Variants in CCDC126 observed in about 807,000 individuals in gnomAD.
The protein encoded by CCDC126 is coiled-coil domain-containing protein 126.
A neutral mutation model predicts 11.7 loss-of-function variants in CCDC126; 5 were observed. That is an observed-to-expected ratio of 0.43 (90% CI 0.22 to 0.90). The LOEUF (loss-of-function observed/expected upper bound fraction) is 0.90, where lower values mean the gene tolerates loss of function less well. CCDC126 is among the 40% of genes least tolerant of loss of function. The pLI, the probability that CCDC126 is intolerant of heterozygous loss-of-function variation, is 0.27. For synonymous variants in CCDC126, 60 were observed against 61.9 expected, an observed-to-expected ratio of 0.97 and a Z score of 0.14; for missense variants, 150 against 163.1, an observed-to-expected ratio of 0.92 and a Z score of 0.44.
chr7:23,614,997 A>G (rs574659967), intron 3 of CCDC126, among the ~76,000 whole-genome samples: 22 of 152,336 alleles, frequency 1.4e-4, no homozygotes, highest in African/African-American at 5.3e-4. Flanking sequence ...CACCAGATGC[A>G]TTACCCCCTA....
chr7:23,626,948 C>T (rs1266370078), intron 3 of CCDC126, among the ~76,000 whole-genome samples: 4 of 152,192 alleles, frequency 2.6e-5, no homozygotes, highest in African/African-American at 9.7e-5. Flanking sequence ...CCTCCACATT[C>T]TTAGTCCTCT....
chr7:23,623,494 G>T (rs1022572592), intron 3 of CCDC126, among the ~76,000 whole-genome samples: 1 of 151,888 alleles, frequency 6.6e-6, no homozygotes, highest in Non-Finnish European at 1.5e-5. Flanking sequence ...TGCTGTGGAG[G>T]CTGAGGCAGG....
chr7:23,607,402 T>C (rs548907791), intron 2 of CCDC126, among the ~76,000 whole-genome samples: 1 of 152,230 alleles, frequency 6.6e-6, no homozygotes, highest in East Asian at 1.9e-4. Context: ...TTGAGGAGGT[T>C]CAAAGTGCAA....
intron 3 of CCDC126, among the ~76,000 whole-genome samples, chr7:23,613,293 A>G (rs1263869495): frequency 6.6e-6 from 1 of 152,114 alleles, no homozygotes; most frequent in Admixed American, 6.6e-5. Context: ...AGCCTGGGTG[A>G]CAGAGTGAGA....
intron 2 of CCDC126, among the ~76,000 whole-genome samples, chr7:23,600,999 G>A (rs964108742): frequency 4.6e-5 from 7 of 151,804 alleles, no homozygotes; most frequent in Admixed American, 2.0e-4. Context: ...AGAATCATGT[G>A]GGCCCAGGAG....
chr7:23,613,528 G>A (rs930041737), intron 3 of CCDC126, among the ~76,000 whole-genome samples: 3 of 151,968 alleles, frequency 2.0e-5, no homozygotes, highest in East Asian at 3.9e-4. Flanking sequence ...TCAGTTATAG[G>A]TGTTATCTGT....
At chr7:23,628,484 C>G (rs1036181732) in intron 3 of CCDC126, among the ~76,000 whole-genome samples, 15 of 152,224 alleles carry the variant, frequency 9.9e-5, no homozygotes, top group Non-Finnish European at 1.9e-4. Flanking sequence ...CTCCTCTAGC[C>G]AAACATCACA....
At chr7:23,616,106 C>T (rs895224222) in intron 3 of CCDC126, among the ~76,000 whole-genome samples, 2 of 152,200 alleles carry the variant, frequency 1.3e-5, no homozygotes, top group African/African-American at 4.8e-5. Flanking sequence ...TAAACTTTTT[C>T]ACCCTAGAGT....
At chr7:23,630,914 C>G (rs1056383499) in intron 3 of CCDC126, among the ~76,000 whole-genome samples, 1 of 151,652 alleles carries the variant, frequency 6.6e-6, no homozygotes, top group African/African-American at 2.4e-5. Flanking sequence ...GGACAACATA[C>G]TTCTAAATAA....
At chr7:23,638,031 G>A (rs1186399120) in intron 3 of CCDC126, among the ~76,000 whole-genome samples, 2 of 127,986 alleles carry the variant, frequency 1.6e-5, no homozygotes, top group Non-Finnish European at 1.7e-5. Context: ...CTGCCCGGCC[G>A]CCCCTACTGG....
In CCDC126 at chr7:23,644,227, T is replaced by C. The variant is rs566993564; in HGVS notation, c.*1112T>C. The C allele has an allele frequency of 1.3e-5, 2 of 152,544 alleles. No homozygotes were observed. Among genetic ancestry groups the C allele is most frequent in the Non-Finnish European group, 2.9e-5 (2 of 67,924 alleles). The allele number at this position is 152,544 out of a possible 1,614,324, so 9.4% of individuals were successfully genotyped here. A position where few individuals can be genotyped will look rare whatever the true frequency, so the allele number is the denominator to read the frequency against. On this transcript the variant is annotated 3_prime_UTR_variant, in exon 4 of 4. Transcript: ENST00000307471. Reference sequence around the variant, plus strand: ...ACATTTAAAATATAAACTATGAAGATTGACTATCTTTTCAGGAAAAAAGCT... The same window carrying C: ...ACATTTAAAATATAAACTATGAAGACTGACTATCTTTTCAGGAAAAAAGCT...
intron 3 of CCDC126, chr7:23,619,491 C>T: frequency 2.7e-6 from 1 of 373,478 alleles, no homozygotes; most frequent in South Asian, 2.5e-5. Context: ...AACACCCTTC[C>T]TGCCTATTTT....
intron 3 of CCDC126, among the ~76,000 whole-genome samples, chr7:23,616,363 A>G (rs1283847135): frequency 6.6e-6 from 1 of 152,066 alleles, no homozygotes; most frequent in East Asian, 1.9e-4. Context: ...CTCCTCTATT[A>G]TATTGGATCT....
rs112816744 is a variant in CCDC126 at position 23,622,775 on chromosome 7, T to C, written c.238+11222T>C. 5.4e-4 allele frequency: 269 copies of C among 500,472 alleles called. 1 individual carries two copies. The highest frequency in any genetic ancestry group is 4.7e-3 in the African/African-American group (240 of 51,214). The allele number at this position is 500,472 out of a possible 1,614,324, so 31.0% of individuals were successfully genotyped here. A position where few individuals can be genotyped will look rare whatever the true frequency, so the allele number is the denominator to read the frequency against. On this transcript the variant is annotated intron_variant, in intron 3 of 3. Coordinates refer to ENST00000307471, the MANE Select transcript of CCDC126 (RefSeq NM_138771.4). ...TTCCTGTCATGTACATTTCTAACCA[T>C]AGATACAACATTGAATGGTTGCCAG...
intron 3 of CCDC126, among the ~76,000 whole-genome samples, chr7:23,618,538 ATTTTTTT>A (rs5741645): frequency 3.3e-5 from 4 of 119,620 alleles, no homozygotes; most frequent in African/African-American, 6.2e-5. Context: ...GATCAGCTAA[ATTTTTTT>A]TTTTTTTTTT....
chr7:23,601,099 A>G (rs1243658521), intron 2 of CCDC126, among the ~76,000 whole-genome samples: 1 of 151,886 alleles, frequency 6.6e-6, no homozygotes, highest in African/African-American at 2.4e-5. Flanking sequence ...CTGTGTGTGC[A>G]TAGGCTGGAC....
rs115503574 is a variant in CCDC126, at chr7:23,640,871, A to G, written c.239-2060A>G. On this transcript the variant is annotated intron_variant, in intron 3 of 3. Transcript: ENST00000307471. ...TCCATTGTATTTACATATATACCAC[A>G]TTTTGTTTATCTGTTTATCTGTTGA... Among the ~76,000 whole-genome samples the G allele has an allele frequency of 8.0e-3, 1,206 of 151,604 alleles. 18 individuals carry two copies. The highest frequency in any genetic ancestry group is 0.027 in the African/African-American group (1,131 of 41,296).
chr7:23,620,206 A>G (rs2128017831), intron 3 of CCDC126, among the ~76,000 whole-genome samples: 1 of 152,264 alleles, frequency 6.6e-6, no homozygotes, highest in Admixed American at 6.5e-5. Context: ...CAACAGTGTA[A>G]AAGTGTTCCT....
At chr7:23,610,702 C>CT (rs1484664971) in intron 2 of CCDC126, among the ~76,000 whole-genome samples, 3 of 152,116 alleles carry the variant, frequency 2.0e-5, no homozygotes, top group African/African-American at 7.2e-5. Context: ...TTGGCACACT[C>CT]TGTTTATATT....
Sources: gnomAD v4.1 joint callset for allele counts (sites outside exome capture counted in the v4.1 genomes callset) on GRCh38, gnomAD v4.1.1 for gene constraint, MANE v1.5 for transcripts, NCBI Gene and HGNC (gene_info 2026-07-23, HGNC 2026-07-21) for gene names.